The following TNN variants were observed in gnomAD, a reference collection of about 807,000 sequenced individuals.
The protein encoded by TNN is tenascin-N.
A neutral mutation model predicts 134.4 loss-of-function variants in TNN; 122 were observed. The ratio of observed to expected loss-of-function variants is 0.91; its 90% CI spans 0.78 to 1.06. The LOEUF (loss-of-function observed/expected upper bound fraction) is 1.06, where lower values mean the gene tolerates loss of function less well. Among genes scored for constraint, TNN ranks in the 50% least tolerant of loss-of-function variants. The pLI is 0.00. For synonymous variants in TNN, 710 were observed against 670.3 expected, an observed-to-expected ratio of 1.06 and a Z score of -0.91; for missense variants, 1,739 against 1,699.4, an observed-to-expected ratio of 1.02 and a Z score of -0.41.
intron 1 of TNN, among the ~76,000 whole-genome samples, chr1:175,072,155 C>A (rs1673929128): frequency 6.6e-6 from 1 of 152,192 alleles, no homozygotes; most frequent in Admixed American, 6.5e-5. Flanking sequence ...ATCCATGCAG[C>A]CCATGGTCAG....
chr1:175,068,036 C>T, intron 1 of TNN, 101 bp downstream of exon 1: 1 of 431,038 alleles, frequency 2.3e-6, no homozygotes. Flanking sequence ...GTTCCCGAGC[C>T]TGAAAATCCG....
chr1:175,071,679 G>A (rs1673918645), intron 1 of TNN, among the ~76,000 whole-genome samples: 2 of 152,192 alleles, frequency 1.3e-5, no homozygotes. Context: ...GCAGTGGACA[G>A]ACCTGGTGTG....
intron 9 of TNN, among the ~76,000 whole-genome samples, chr1:175,100,042 C>G (rs2149433702): frequency 6.6e-6 from 1 of 152,288 alleles, no homozygotes; most frequent in East Asian, 1.9e-4. Flanking sequence ...GTCCATTCAA[C>G]CAGATGCACA....
chr1:175,097,583 T>C lies in TNN; in HGVS notation c.1755T>C (p.Thr585=), dbSNP rs554522420. The C allele has an allele frequency of 8.6e-5, 139 of 1,614,160 alleles. 1 individual carries two copies. In the South Asian group the frequency reaches 1.4e-3, roughly 16 times the overall value. Residue 585 remains threonine (T), a synonymous_variant, in exon 8 of 19, where the codon ACT becomes ACC. Transcript: ENST00000239462. ...TGGTGGGGAAGGAGCAGAGCAGCAC[T>C]GTCCTGACAGGCCTGAGGCCAGGTG... ...EVLVGKEQSS[T]VLTGLRPGVE...
chr1:175,079,199 G>GC, intron 2 of TNN, 134 bp from the exon 3 acceptor site: 1 of 1,153,426 alleles, frequency 8.7e-7, no homozygotes, highest in Non-Finnish European at 1.2e-6. Flanking sequence ...AAATAGCCGT[G>GC]CAAGACCCAG....
chr1:175,076,342 A>G (rs987709836), intron 1 of TNN, among the ~76,000 whole-genome samples: 1 of 152,126 alleles, frequency 6.6e-6, no homozygotes, highest in African/African-American at 2.4e-5. Context: ...ACAGTGACCA[A>G]ACCTCTCCGC....
rs1480294812 is a variant in TNN at position 175,118,882 on chromosome 1, A to G, written c.2650+58A>G. 3 of 1,599,516 alleles carry G rather than the reference A, an allele frequency of 1.9e-6. No individual in the cohort carries two copies. The African/African-American group carries it at 4.0e-5, about 22-fold the overall frequency. On this transcript the variant is annotated intron_variant, in intron 11 of 18. Coordinates refer to ENST00000239462, the MANE Select transcript of TNN (RefSeq NM_022093.2). ...TAGTAGCTGCAGGTTGATCTATTGCAGCTGAGTGATGATGCAGCTGCTTTT... is the reference window on the plus strand; with the variant it reads ...TAGTAGCTGCAGGTTGATCTATTGCGGCTGAGTGATGATGCAGCTGCTTTT...
chr1:175,091,115 T>C (rs1235931484), intron 6 of TNN, among the ~76,000 whole-genome samples: 1 of 152,264 alleles, frequency 6.6e-6, no homozygotes, highest in Non-Finnish European at 1.5e-5. Context: ...CTTCCAGCAA[T>C]GTGGCCTATC....
chr1:175,111,078 G>A (rs903439757), intron 9 of TNN, among the ~76,000 whole-genome samples: 7 of 152,160 alleles, frequency 4.6e-5, no homozygotes, highest in African/African-American at 1.7e-4. Flanking sequence ...AGTACTTTGG[G>A]AGGCCAAGGC....
chr1:175,117,229 A>T, intron 10 of TNN, 24 bp downstream of exon 10: 1 of 1,607,108 alleles, frequency 6.2e-7, no homozygotes, highest in South Asian at 1.1e-5. Context: ...TTCTTTGGGA[A>T]TATAAGAGCT....
At chr1:175,073,149 G>T (rs2149424840) in intron 1 of TNN, among the ~76,000 whole-genome samples, 1 of 152,152 alleles carries the variant, frequency 6.6e-6, no homozygotes, top group African/African-American at 2.4e-5. Flanking sequence ...AATATGCGTT[G>T]TTACTGGTGA....
At position 175,147,114 on chromosome 1, in the gene TNN, G is replaced by GGGA. The variant is rs1481317780; in HGVS notation, c.*44_*45insGAG. The GGGA allele has an allele frequency of 1.3e-6, 2 of 1,483,350 alleles. No individual in the cohort carries two copies. Among genetic ancestry groups the GGGA allele is most frequent in the Middle Eastern group, 3.9e-4 (2 of 5,132 alleles). 91.9% of individuals were successfully genotyped at this position (1,483,350 alleles called of 1,614,324 possible). A position where few individuals can be genotyped will look rare whatever the true frequency, so the allele number is the denominator to read the frequency against. Reference sequence around the variant, plus strand: ...CCTCGCAGGAGACACCACCAGCTGTGGCAGCTTGGGGCGGGGTGGGTAGTG... The same window carrying GGGA: ...CCTCGCAGGAGACACCACCAGCTGTGGGAGCAGCTTGGGGCGGGGTGGGTAGTG... On this transcript the variant is annotated 3_prime_UTR_variant, in exon 19 of 19. Coordinates refer to ENST00000239462, the MANE Select transcript of TNN (RefSeq NM_022093.2).
At chr1:175,101,985 G>A (rs1054409939) in intron 9 of TNN, among the ~76,000 whole-genome samples, 1 of 143,718 alleles carries the variant, frequency 7.0e-6, no homozygotes, top group Non-Finnish European at 1.5e-5. Flanking sequence ...AGAGCAGCTA[G>A]ATACAGAGTG....
In TNN at chr1:175,123,408, G is replaced by A. The variant is rs759170212; in HGVS notation, c.2659G>A (p.Gly887Ser). 2.0e-5 allele frequency: 33 copies of A among 1,613,020 alleles called. No individual in the cohort carries two copies. Among genetic ancestry groups the A allele is most frequent in the African/African-American group, 5.4e-5 (4 of 74,752 alleles). The stretch of plus-strand genomic sequence containing the variant: ...TAAATCTTTTTAAAAAGAAATTGAC[G>A]GCCCCAAAAACCTAGTGACTGACTG... The part of the protein sequence containing the change: ...ADTKAQTEID[G>S]PKNLVTDWVT... The change falls in exon 12 of 19, where the codon GGC becomes AGC. Residue 887 changes from glycine to serine, a missense_variant. By Grantham distance (56) the Gly-to-Ser change is moderately conservative. Transcript: ENST00000239462.
At chr1:175,078,179 A>G (rs1028505377) in intron 2 of TNN, among the ~76,000 whole-genome samples, 3 of 152,186 alleles carry the variant, frequency 2.0e-5, no homozygotes, top group African/African-American at 7.2e-5. Context: ...CCTTGGAGCT[A>G]GACAAGACAG....
chr1:175,106,167 C>G (rs1355253962), intron 9 of TNN, among the ~76,000 whole-genome samples: 1 of 145,590 alleles, frequency 6.9e-6, no homozygotes, highest in Admixed American at 6.9e-5. Context: ...TTCTCAAAAA[C>G]CTGTTAGAGT....
chr1:175,080,513 C>G (rs1674175839), intron 4 of TNN, 87 bp downstream of exon 4: 1 of 1,522,328 alleles, frequency 6.6e-7, no homozygotes, highest in South Asian at 1.2e-5. Flanking sequence ...AGGCAGTTGC[C>G]TTGATTAGGG....
chr1:175,084,014 C>G, intron 5 of TNN, 79 bp downstream of exon 5: 1 of 1,428,562 alleles, frequency 7.0e-7, no homozygotes, highest in Non-Finnish European at 9.6e-7. Context: ...GCACTGGCAT[C>G]TGCACTGCTC....
intron 10 of TNN, 72 bp downstream of exon 10, chr1:175,117,277 TTC>T: frequency 6.3e-7 from 1 of 1,594,058 alleles, no homozygotes. Flanking sequence ...TTTGTTTTCC[TTC>T]TCTGACATTG....
Sources: allele counts gnomAD v4.1 joint callset (sites outside exome capture counted in the v4.1 genomes callset), GRCh38; gene constraint gnomAD v4.1.1; transcripts MANE v1.5; gene names NCBI Gene and HGNC (gene_info 2026-07-23, HGNC 2026-07-21).